Variants in CNTN4 observed in about 807,000 individuals in gnomAD.
CNTN4 encodes the protein contactin 4.
Under a neutral mutation model 122.5 loss-of-function variants are expected in CNTN4, and 77 were observed. The ratio of observed to expected loss-of-function variants is 0.63; its 90% CI spans 0.52 to 0.76. The LOEUF (loss-of-function observed/expected upper bound fraction) is 0.76. Among genes scored for constraint, CNTN4 ranks in the 30% least tolerant of loss-of-function variants. The probability of loss-of-function intolerance (pLI) is 0.00; values close to 1 mark genes in which losing one functional copy is unlikely to be tolerated. For missense variants in CNTN4, 1,256 were observed against 1,259.1 expected, an observed-to-expected ratio of 1.00 and a Z score of 0.04; for synonymous variants, 512 against 447.0, an observed-to-expected ratio of 1.15 and a Z score of -1.83.
chr3:2,262,710 A>G (rs1023980886), intron 2 of CNTN4, among the ~76,000 whole-genome samples: 9 of 151,494 alleles, frequency 5.9e-5, no homozygotes, highest in Non-Finnish European at 4.4e-5. Context: ...GACTTTAAAT[A>G]ACACTTTTTT....
intron 3 of CNTN4, among the ~76,000 whole-genome samples, chr3:2,381,943 G>A (rs908214308): frequency 2.0e-5 from 3 of 151,826 alleles, no homozygotes; most frequent in African/African-American, 7.3e-5. Context: ...ATAAAATTTC[G>A]AACTGGCAAG....
chr3:2,241,844 A>G (rs1251667803), intron 2 of CNTN4, among the ~76,000 whole-genome samples: 1 of 151,966 alleles, frequency 6.6e-6, no homozygotes, highest in Non-Finnish European at 1.5e-5. Flanking sequence ...TCTAGGCTTG[A>G]TTTTTCCTGA....
chr3:2,898,962 C>CT (rs2094143675), intron 10 of CNTN4, among the ~76,000 whole-genome samples: 1 of 152,146 alleles, frequency 6.6e-6, no homozygotes, highest in South Asian at 2.1e-4. Context: ...ACTTGCAGCT[C>CT]TTTTAAGGGT....
At chr3:2,498,947 A>G (rs2076523899) in intron 3 of CNTN4, among the ~76,000 whole-genome samples, 2 of 151,878 alleles carry the variant, frequency 1.3e-5, no homozygotes, top group Admixed American at 6.6e-5. Context: ...GCACCACCAC[A>G]CCAGGCTAAT....
At position 2,121,242 on chromosome 3, in the gene CNTN4, G is replaced by T. The variant is rs563084488; in HGVS notation, c.-145+20603G>T. On this transcript the variant is annotated intron_variant, in intron 2 of 24. Transcript: ENST00000418658. Reference sequence around the variant, plus strand: ...TCAGGCATAAGAAATTATATGCCGTGTAATCCCAGCACTCTGGGAGGCCGA... The same window carrying T: ...TCAGGCATAAGAAATTATATGCCGTTTAATCCCAGCACTCTGGGAGGCCGA... 3.9e-5 allele frequency among the ~76,000 whole-genome samples: 6 copies of T among 152,216 alleles called. No homozygotes were observed. In the South Asian group the frequency reaches 1.0e-3, roughly 26 times the overall value.
intron 3 of CNTN4, among the ~76,000 whole-genome samples, chr3:2,465,383 A>G (rs1180702653): frequency 6.6e-6 from 1 of 152,220 alleles, no homozygotes; most frequent in East Asian, 1.9e-4. Flanking sequence ...TCTCTTAAAA[A>G]ATAAAAATAA....
At chr3:2,352,654 G>A (rs554196088) in intron 3 of CNTN4, among the ~76,000 whole-genome samples, 14 of 152,286 alleles carry the variant, frequency 9.2e-5, no homozygotes, top group Admixed American at 1.3e-4. Context: ...CCTGCAGCCC[G>A]CCAAGCCCGA....
At chr3:2,272,649 G>T (rs2041346701) in intron 2 of CNTN4, among the ~76,000 whole-genome samples, 1 of 152,122 alleles carries the variant, frequency 6.6e-6, no homozygotes. Flanking sequence ...GATTATTGAG[G>T]TGGAGTATTT....
chr3:2,105,758 A>G (rs1253625346), intron 2 of CNTN4, among the ~76,000 whole-genome samples: 1 of 152,144 alleles, frequency 6.6e-6, no homozygotes. Flanking sequence ...ATGTCTTTTC[A>G]CATTTCAACA....
chr3:2,831,454 T>C (rs2093102965), intron 7 of CNTN4, among the ~76,000 whole-genome samples: 1 of 152,220 alleles, frequency 6.6e-6, no homozygotes, highest in African/African-American at 2.4e-5. Flanking sequence ...CTCAAAGAAA[T>C]GTTTAATGTT....
intron 14 of CNTN4, among the ~76,000 whole-genome samples, chr3:3,014,879 G>GTTTTTTTTTTTTT (rs5846238): frequency 1.6e-5 from 2 of 121,544 alleles, no homozygotes. Flanking sequence ...CCCTCGATTG[G>GTTTTTTTTTTTTT]TTTTTTTTTT....
At chr3:2,962,884 G>T (rs1248992787) in intron 13 of CNTN4, among the ~76,000 whole-genome samples, 1 of 152,192 alleles carries the variant, frequency 6.6e-6, no homozygotes, top group Admixed American at 6.5e-5. Flanking sequence ...CATCCGTCTT[G>T]TTCCTGTGAA....
chr3:2,409,022 T>C (rs1412982006), intron 3 of CNTN4, among the ~76,000 whole-genome samples: 1 of 152,164 alleles, frequency 6.6e-6, no homozygotes, highest in African/African-American at 2.4e-5. Flanking sequence ...ATTAGGATTG[T>C]GTCTTATGAG....
Position 2,287,756 on chromosome 3 carries a change from A to G in CNTN4, c.-144-51422A>G, listed in dbSNP as rs1187456733. Reference sequence around the variant, plus strand: ...AAGAAGAAGAAGAAGAAGAAGAAGAAGAAGAAGAAGAAGAAGAAGAAGGAG... The same window carrying G: ...AAGAAGAAGAAGAAGAAGAAGAAGAGGAAGAAGAAGAAGAAGAAGAAGGAG... On this transcript the variant is annotated intron_variant, in intron 2 of 24. Coordinates refer to ENST00000418658, the MANE Select transcript of CNTN4 (RefSeq NM_175607.3). 3.2e-4 allele frequency among the ~76,000 whole-genome samples: 45 copies of G among 139,772 alleles called. 2 individuals carry two copies. The highest frequency in any genetic ancestry group is 1.0e-3 in the African/African-American group (36 of 36,164). The allele number at this position is 139,772 out of a possible 152,430, so 91.7% of individuals were successfully genotyped here. A position where few individuals can be genotyped will look rare whatever the true frequency, so the allele number is the denominator to read the frequency against.
intron 3 of CNTN4, among the ~76,000 whole-genome samples, chr3:2,512,267 T>TC (rs1438898975): frequency 7.6e-6 from 1 of 131,878 alleles, no homozygotes; most frequent in Non-Finnish European, 1.6e-5. Context: ...ACTGTATATC[T>TC]CCTTTTTTAT....
chr3:2,234,560 A>G (rs1446413105), intron 2 of CNTN4, among the ~76,000 whole-genome samples: 3 of 152,134 alleles, frequency 2.0e-5, no homozygotes, highest in Non-Finnish European at 2.9e-5. Context: ...TCTATTAAGA[A>G]AATTCATTAA....
At chr3:2,463,840 G>A (rs1319591776) in intron 3 of CNTN4, among the ~76,000 whole-genome samples, 1 of 152,140 alleles carries the variant, frequency 6.6e-6, no homozygotes, top group African/African-American at 2.4e-5. Context: ...CTGCTTCTTT[G>A]TGTCTGGTAC....
intron 4 of CNTN4, among the ~76,000 whole-genome samples, chr3:2,676,582 C>T (rs1559376447): frequency 6.6e-6 from 1 of 152,144 alleles, no homozygotes; most frequent in Non-Finnish European, 1.5e-5. Context: ...GAGACAGCAT[C>T]ATGGAGAAAC....
intron 2 of CNTN4, among the ~76,000 whole-genome samples, chr3:2,338,865 T>C (rs1268289533): frequency 6.6e-6 from 1 of 152,158 alleles, no homozygotes; most frequent in Non-Finnish European, 1.5e-5. Context: ...GTCTCTTTTA[T>C]TGAATCTGAA....
Sources: allele counts gnomAD v4.1 joint callset (sites outside exome capture counted in the v4.1 genomes callset), GRCh38; gene constraint gnomAD v4.1.1; transcripts MANE v1.5; gene names NCBI Gene and HGNC (gene_info 2026-07-23, HGNC 2026-07-21).